Variants in SLC24A2 observed in about 807,000 individuals in gnomAD.
SLC24A2 encodes solute carrier family 24 member 2, also known as sodium/potassium/calcium exchanger 2.
SLC24A2 carries 36 observed loss-of-function variants against 62.0 expected under a neutral mutation model. The observed-to-expected ratio is 0.58, with a 90% CI of 0.44 to 0.77. SLC24A2 has a LOEUF of 0.77. Among genes scored for constraint, SLC24A2 ranks in the 30% least tolerant of loss-of-function variants. The probability of loss-of-function intolerance (pLI) is 0.00; values close to 1 mark genes in which losing one functional copy is unlikely to be tolerated. For missense variants in SLC24A2, 846 were observed against 817.9 expected (o/e 1.03, Z -0.42); for synonymous variants, 358 against 294.0 (o/e 1.22, Z -2.23).
chr9:20,116,975 T>C, the SLC24A2 span, among the ~76,000 whole-genome samples: 4 of 152,214 alleles, frequency 2.6e-5, no homozygotes, highest in South Asian at 2.1e-4. Flanking sequence ...TTTTGAACAA[T>C]TGTATGATCT....
the SLC24A2 span, among the ~76,000 whole-genome samples, chr9:20,254,958 C>T: frequency 1.3e-5 from 2 of 152,224 alleles, no homozygotes; most frequent in African/African-American, 2.4e-5. Flanking sequence ...CTCCTGAAAC[C>T]TATTCACCAT....
chr9:20,301,630 A>G, the SLC24A2 span, among the ~76,000 whole-genome samples: 1 of 151,972 alleles, frequency 6.6e-6, no homozygotes, highest in South Asian at 2.1e-4. Context: ...ATTGAGAGGA[A>G]GGTACAGAGA....
At chr9:19,582,688 C>CT (rs977693235) in intron 5 of SLC24A2, among the ~76,000 whole-genome samples, 4 of 151,854 alleles carry the variant, frequency 2.6e-5, no homozygotes, top group South Asian at 2.1e-4. Flanking sequence ...TATTCCTTTC[C>CT]TTTTTTTTCT....
chr9:19,636,315 T>TTTCCTTTCCTTTCCTTTCCTTTCCC (rs1554690361), intron 2 of SLC24A2, among the ~76,000 whole-genome samples: 1 of 40,328 alleles, frequency 2.5e-5, no homozygotes, highest in African/African-American at 1.2e-4. Flanking sequence ...TTTTCTTTTC[T>TTTCCTTTCCTTTCCTTTCCTTTCCC]TTTCTTTCTT....
the SLC24A2 span, among the ~76,000 whole-genome samples, chr9:20,111,476 C>A: frequency 6.6e-6 from 1 of 152,140 alleles, no homozygotes. Context: ...TATAAATAAG[C>A]CCTTTATTAA....
the SLC24A2 span, among the ~76,000 whole-genome samples, chr9:19,867,834 G>A: frequency 3.9e-5 from 6 of 152,124 alleles, no homozygotes; most frequent in Admixed American, 1.3e-4. Flanking sequence ...GTCGAACCCG[G>A]GAGGCGGAGG....
chr9:19,552,963 A>T (rs1037927658), intron 7 of SLC24A2, among the ~76,000 whole-genome samples: 1 of 152,242 alleles, frequency 6.6e-6, no homozygotes, highest in African/African-American at 2.4e-5. Flanking sequence ...GCTAGGGCAG[A>T]AATGGACTAG....
chr9:20,163,128 C>T, the SLC24A2 span, among the ~76,000 whole-genome samples: 1 of 151,992 alleles, frequency 6.6e-6, no homozygotes, highest in African/African-American at 2.4e-5. Flanking sequence ...AAGTTCTGGC[C>T]AGGGCAATTA....
the SLC24A2 span, among the ~76,000 whole-genome samples, chr9:19,849,815 A>G: frequency 6.6e-6 from 1 of 152,214 alleles, no homozygotes; most frequent in African/African-American, 2.4e-5. Context: ...AAACACTGAG[A>G]TAATATTTTA....
chr9:19,836,289 G>A, the SLC24A2 span, among the ~76,000 whole-genome samples: 5 of 152,116 alleles, frequency 3.3e-5, no homozygotes, highest in Non-Finnish European at 7.3e-5. Flanking sequence ...GAATCCAGGA[G>A]CTGGTTTTTT....
chr9:19,752,702 AAGAGAG>A (rs5896861), intron 2 of SLC24A2, among the ~76,000 whole-genome samples: 9 of 151,356 alleles, frequency 5.9e-5, no homozygotes, highest in Non-Finnish European at 1.3e-4. Flanking sequence ...CACTGAGAGA[AAGAGAG>A]AGAGAGAGGG....
intron 2 of SLC24A2, among the ~76,000 whole-genome samples, chr9:19,686,985 A>G (rs1471152744): frequency 6.6e-6 from 1 of 152,148 alleles, no homozygotes; most frequent in Non-Finnish European, 1.5e-5. Context: ...CTTTGCAGCA[A>G]CATAGATGGA....
chr9:20,116,983 T>C, the SLC24A2 span, among the ~76,000 whole-genome samples: 16,880 of 152,194 alleles, frequency 0.11, 978 homozygotes, highest in Middle Eastern at 0.17. Context: ...AATTGTATGA[T>C]CTTTCCACTC....
the SLC24A2 span, among the ~76,000 whole-genome samples, chr9:20,306,286 T>G: frequency 6.6e-6 from 1 of 152,230 alleles, no homozygotes; most frequent in Non-Finnish European, 1.5e-5. Flanking sequence ...TGGCAACTTC[T>G]GTTTACAATC....
the SLC24A2 span, among the ~76,000 whole-genome samples, chr9:20,268,810 C>G: frequency 1.3e-5 from 2 of 152,170 alleles, no homozygotes; most frequent in Admixed American, 6.5e-5. Flanking sequence ...TCCCATTTGT[C>G]CCAGACTCAT....
chr9:20,288,311 C>T, the SLC24A2 span, among the ~76,000 whole-genome samples: 2 of 152,098 alleles, frequency 1.3e-5, no homozygotes, highest in Non-Finnish European at 2.9e-5. Flanking sequence ...TTTCCAAAGC[C>T]TCTCATTCCT....
At chr9:20,238,512 T>C in the SLC24A2 span, among the ~76,000 whole-genome samples, 1 of 152,230 alleles carries the variant, frequency 6.6e-6, no homozygotes, top group Non-Finnish European at 1.5e-5. Flanking sequence ...AAGGAAATTA[T>C]GATTAAAAAT....
chr9:19,809,094 C>CT, the SLC24A2 span, among the ~76,000 whole-genome samples: 1 of 152,070 alleles, frequency 6.6e-6, no homozygotes, highest in African/African-American at 2.4e-5. Context: ...ATACCTTTGG[C>CT]TTTTTTGTTT....
chr9:20,273,465 A>C, the SLC24A2 span, among the ~76,000 whole-genome samples: 1 of 152,166 alleles, frequency 6.6e-6, no homozygotes, highest in East Asian at 1.9e-4. Context: ...TATGGGAGGA[A>C]CCCTGTGGGA....
Sources: gnomAD v4.1 joint callset for allele counts (sites outside exome capture counted in the v4.1 genomes callset) on GRCh38, gnomAD v4.1.1 for gene constraint, MANE v1.5 for transcripts, NCBI Gene and HGNC (gene_info 2026-07-23, HGNC 2026-07-21) for gene names.